YTHDF3: variants seen among roughly 807,000 people sequenced by gnomAD.
YTHDF3 encodes the protein YTH domain-containing family protein 3.
YTHDF3 carries 9 observed loss-of-function variants against 52.5 expected under a neutral mutation model. The ratio of observed to expected loss-of-function variants is 0.17; its 90% CI spans 0.10 to 0.30. The LOEUF is 0.30. Among genes scored for constraint, YTHDF3 ranks in the 10% least tolerant of loss-of-function variants. YTHDF3 has a pLI of 1.00. For synonymous variants in YTHDF3, 274 were observed against 243.3 expected (o/e 1.13, Z -1.18); for missense variants, 534 against 715.0 (o/e 0.75, Z 2.89).
At chr8:63,193,564 T>A (rs1809052893) in intron 4 of YTHDF3, among the ~76,000 whole-genome samples, 2 of 152,060 alleles carry the variant, frequency 1.3e-5, no homozygotes, top group African/African-American at 4.8e-5. Context: ...GAGACCAGCC[T>A]GAGTAGCACA....
chr8:63,188,433 C>T (rs1057069610), intron 4 of YTHDF3, among the ~76,000 whole-genome samples: 7 of 150,492 alleles, frequency 4.7e-5, no homozygotes, highest in African/African-American at 1.2e-4. Context: ...CTCAAGTGAT[C>T]CTCCTACCTC....
chr8:63,169,983 AGAAAATAGTTT>A (rs1010693178), intron 2 of YTHDF3, among the ~76,000 whole-genome samples: 5 of 152,206 alleles, frequency 3.3e-5, no homozygotes, highest in Non-Finnish European at 7.3e-5. Context: ...AGGGCTGAGA[AGAAAATAGTTT>A]GTGACATTTT....
intron 4 of YTHDF3, among the ~76,000 whole-genome samples, chr8:63,205,619 A>C (rs1809977641): frequency 6.6e-6 from 1 of 151,826 alleles, no homozygotes; most frequent in Admixed American, 6.6e-5. Flanking sequence ...TTTTTAATAA[A>C]GACAGGGTTT....
intron 3 of YTHDF3, among the ~76,000 whole-genome samples, chr8:63,185,900 AC>A (rs778746730): frequency 1.3e-5 from 2 of 152,314 alleles, no homozygotes; most frequent in East Asian, 3.9e-4. Flanking sequence ...TACTCATTAT[AC>A]CCCCACTCTC....
Position 63,186,782 on chromosome 8 carries a change from T to C in YTHDF3, c.771T>C (p.Asn257=), listed in dbSNP as rs1808536643. The C allele has an allele frequency of 3.1e-6, 5 of 1,613,904 alleles. No individual in the cohort carries two copies. Among genetic ancestry groups the C allele is most frequent in the Non-Finnish European group, 4.2e-6 (5 of 1,179,870 alleles). The stretch of plus-strand genomic sequence containing the variant: ...AACCGAAACTTAAACCCAAGGGCAA[T>C]GTGGGAATTGGGGGTTCTGCTGTAC... The part of the protein sequence containing the change: ...KPQPKLKPKG[N]VGIGGSAVPP... The change falls in exon 4 of 5, where the codon AAT becomes AAC. Residue 257 remains asparagine, a synonymous_variant. Transcript: ENST00000539294.
At chr8:63,171,317 T>G (rs1381588446) in intron 2 of YTHDF3, among the ~76,000 whole-genome samples, 2 of 152,130 alleles carry the variant, frequency 1.3e-5, no homozygotes, top group African/African-American at 4.8e-5. Flanking sequence ...ATTCCTATAG[T>G]ATGTTGTTAG....
chr8:63,179,142 A>G (rs1051383712), intron 3 of YTHDF3, among the ~76,000 whole-genome samples: 11 of 151,738 alleles, frequency 7.2e-5, no homozygotes, highest in African/African-American at 2.7e-4. Flanking sequence ...GTGGCAGCAT[A>G]TTTCTTCTAT....
At chr8:63,190,586 T>C (rs992388987) in intron 4 of YTHDF3, among the ~76,000 whole-genome samples, 2 of 152,188 alleles carry the variant, frequency 1.3e-5, no homozygotes, top group Non-Finnish European at 2.9e-5. Context: ...CTATAACAAG[T>C]GGAGGTATAA....
Position 63,199,079 on chromosome 8 carries a change from A to G in YTHDF3, c.1735-10604A>G, listed in dbSNP as rs1446486475. Among the ~76,000 whole-genome samples, 6 of 152,168 alleles carry G rather than the reference A, an allele frequency of 3.9e-5. No homozygotes were observed. The East Asian group carries it at 1.2e-3, about 29-fold the overall frequency. On this transcript the variant is annotated intron_variant, in intron 4 of 4. Transcript: ENST00000539294. ...TATTACTCTATTCTGAACTTGGTAA[A>G]TATTTTTTATGAGTTAGAATTGGAA...
At chr8:63,180,472 C>T (rs1239934659) in intron 3 of YTHDF3, among the ~76,000 whole-genome samples, 24 of 149,328 alleles carry the variant, frequency 1.6e-4, no homozygotes, top group African/African-American at 3.0e-4. Context: ...CGGGCAGAGA[C>T]GCTCCTCACT....
At chr8:63,208,090 A>T (rs1810151422) in intron 4 of YTHDF3, among the ~76,000 whole-genome samples, 1 of 152,096 alleles carries the variant, frequency 6.6e-6, no homozygotes, top group Non-Finnish European at 1.5e-5. Context: ...AAATGTACTT[A>T]ATCTAGCTAG....
chr8:63,175,018 A>G (rs964043173), intron 2 of YTHDF3, among the ~76,000 whole-genome samples: 19 of 152,334 alleles, frequency 1.2e-4, no homozygotes, highest in African/African-American at 4.3e-4. Flanking sequence ...AACTCTTTCC[A>G]ACATTCTTAT....
chr8:63,186,079 T>G (rs922509910), intron 3 of YTHDF3, 68 bp from the exon 4 acceptor site: 2 of 1,435,180 alleles, frequency 1.4e-6, no homozygotes, highest in African/African-American at 2.8e-5. Flanking sequence ...GATTTTAATC[T>G]TTCAGATTTC....
chr8:63,209,246 A>G (rs1810231787), intron 4 of YTHDF3, among the ~76,000 whole-genome samples: 1 of 152,188 alleles, frequency 6.6e-6, no homozygotes, highest in Non-Finnish European at 1.5e-5. Context: ...TGTGATTTAA[A>G]GTTTTTTTTA....
intron 1 of YTHDF3, 131 bp downstream of exon 1, chr8:63,169,032 G>A: frequency 2.1e-6 from 3 of 1,451,894 alleles, no homozygotes; most frequent in South Asian, 1.4e-5. Context: ...AAGTTGCTGC[G>A]GTGTAGCTAC....
intron 3 of YTHDF3, among the ~76,000 whole-genome samples, chr8:63,180,793 G>T (rs949482347): frequency 6.6e-6 from 1 of 152,226 alleles, no homozygotes; most frequent in Non-Finnish European, 1.5e-5. Flanking sequence ...CCAACACAGC[G>T]AAACCCCGTC....
At chr8:63,170,005 T>C (rs930628903) in intron 2 of YTHDF3, among the ~76,000 whole-genome samples, 17 of 152,346 alleles carry the variant, frequency 1.1e-4, no homozygotes, top group South Asian at 2.1e-4. Context: ...GTGACATTTT[T>C]TCCAGGATTT....
intron 4 of YTHDF3, among the ~76,000 whole-genome samples, chr8:63,191,698 T>G (rs1007701696): frequency 2.6e-5 from 4 of 152,182 alleles, no homozygotes; most frequent in African/African-American, 9.7e-5. Flanking sequence ...AACCACTGAT[T>G]GGTTGTTTGT....
intron 2 of YTHDF3, among the ~76,000 whole-genome samples, chr8:63,170,123 CATT>C (rs1807206188): frequency 1.3e-5 from 2 of 152,132 alleles, no homozygotes; most frequent in Admixed American, 6.5e-5. Flanking sequence ...AACATTATGA[CATT>C]AGTCATGTGA....
Sources: gnomAD v4.1 joint callset for allele counts (sites outside exome capture counted in the v4.1 genomes callset) on GRCh38, gnomAD v4.1.1 for gene constraint, MANE v1.5 for transcripts, NCBI Gene and HGNC (gene_info 2026-07-23, HGNC 2026-07-21) for gene names.